Variants in MAP3K13 observed in about 807,000 individuals in gnomAD.
The protein encoded by MAP3K13 is mitogen-activated protein kinase kinase kinase 13, also known as leucine zipper-bearing kinase.
In MAP3K13, 52 loss-of-function variants were observed where a neutral mutation model predicts 104.0. The ratio of observed to expected loss-of-function variants is 0.50; its 90% CI spans 0.40 to 0.63. The LOEUF (loss-of-function observed/expected upper bound fraction) is 0.63, where lower values mean the gene tolerates loss of function less well. Ranked by LOEUF, MAP3K13 falls within the 20% of genes least tolerant of loss-of-function variation. The probability of loss-of-function intolerance (pLI) is 0.00; values close to 1 mark genes in which losing one functional copy is unlikely to be tolerated. For synonymous variants in MAP3K13, 394 were observed against 442.2 expected (o/e 0.89, Z 1.37); for missense variants, 914 against 1,218.5 (o/e 0.75, Z 3.72).
chr3:185,434,271 G>A (rs1355630178), intron 2 of MAP3K13, among the ~76,000 whole-genome samples: 3 of 152,032 alleles, frequency 2.0e-5, no homozygotes, highest in Admixed American at 2.0e-4. Flanking sequence ...TGAACAAAGG[G>A]GTTTTGACAA....
chr3:185,323,970 T>C (rs957133117), intron 2 of MAP3K13, among the ~76,000 whole-genome samples: 1 of 152,142 alleles, frequency 6.6e-6, no homozygotes, highest in African/African-American at 2.4e-5. Context: ...TTTTGATTTC[T>C]CTTATAATGA....
At chr3:185,454,885 T>TATATATATGAGATATATACATG (rs1716304735) in intron 7 of MAP3K13, among the ~76,000 whole-genome samples, 3 of 68,056 alleles carry the variant, frequency 4.4e-5, no homozygotes, top group East Asian at 4.3e-4. Context: ...ATATATATGA[T>TATATATATGAGATATATACATG]ATATATATGA....
At chr3:185,412,873 T>C (rs968725251) in intron 1 of MAP3K13, among the ~76,000 whole-genome samples, 1 of 152,204 alleles carries the variant, frequency 6.6e-6, no homozygotes, top group Non-Finnish European at 1.5e-5. Context: ...TTGGTAAAAC[T>C]TCTGTTCCTA....
At chr3:185,417,579 C>T (rs1201121974) in intron 1 of MAP3K13, 2 of 1,607,628 alleles carry the variant, frequency 1.2e-6, no homozygotes, top group East Asian at 2.2e-5. Context: ...TAGCTGCTGC[C>T]TTTTTTCCCA....
Position 185,473,871 on chromosome 3 carries a change from G to T in MAP3K13, c.2430+110G>T. ...TGTAAAAAGTATACATTTTGTAAAAGGACAAGATAACAGAAACATAAATAG... is the reference window on the plus strand; with the variant it reads ...TGTAAAAAGTATACATTTTGTAAAATGACAAGATAACAGAAACATAAATAG... On this transcript the variant is annotated intron_variant, in intron 11 of 13. Coordinates refer to ENST00000265026, the MANE Select transcript of MAP3K13 (RefSeq NM_004721.5). The surrounding 1 kb of genome is among the most constrained non-coding windows in gnomAD (Gnocchi z 4.9). The T allele has an allele frequency of 8.4e-7, 1 of 1,191,944 alleles. No homozygotes were observed. Among genetic ancestry groups the T allele is most frequent in the Non-Finnish European group, 1.2e-6 (1 of 859,988 alleles). The allele number at this position is 1,191,944 out of a possible 1,614,324, so 73.8% of individuals were successfully genotyped here.
chr3:185,418,490 G>A lies in MAP3K13; in HGVS notation c.-85-10007G>A, dbSNP rs1713928925. Reference sequence around the variant, plus strand: ...GTTGGTGCAAACCTTCGGCCTCCACGACACATGTTTCCAAAAGCACCCTGG... The same window carrying A: ...GTTGGTGCAAACCTTCGGCCTCCACAACACATGTTTCCAAAAGCACCCTGG... On this transcript the variant is annotated intron_variant, in intron 1 of 13. Coordinates refer to ENST00000265026, the MANE Select transcript of MAP3K13 (RefSeq NM_004721.5). This position sits in a 1 kb window ranked among gnomAD's most constrained non-coding sequence, Gnocchi z 4.5. 1.2e-6 allele frequency: 2 copies of A among 1,611,886 alleles called. No individual in the cohort carries two copies. Among genetic ancestry groups the A allele is most frequent in the South Asian group, 1.1e-5 (1 of 90,986 alleles).
intron 2 of MAP3K13, among the ~76,000 whole-genome samples, chr3:185,338,650 A>G (rs916951431): frequency 6.6e-6 from 1 of 152,118 alleles, no homozygotes; most frequent in African/African-American, 2.4e-5. Context: ...TAATTCTTCA[A>G]TTTTGATATT....
chr3:185,477,484 G>GA (rs1258444149), intron 12 of MAP3K13, 88 bp downstream of exon 12: 1 of 949,562 alleles, frequency 1.1e-6, no homozygotes, highest in East Asian at 2.4e-5. Context: ...AACCACAGGT[G>GA]ATTCCCTGGC....
chr3:185,293,086 C>T (rs1229471433), intron 2 of MAP3K13: 48 of 940,162 alleles, frequency 5.1e-5, no homozygotes, highest in Non-Finnish European at 5.7e-5. Flanking sequence ...GTGAGTTGCA[C>T]TTGCTGTTCT....
At chr3:185,477,054 T>A (rs1718172052) in intron 11 of MAP3K13, 2 of 579,100 alleles carry the variant, frequency 3.5e-6, no homozygotes, top group Non-Finnish European at 6.5e-6. Flanking sequence ...TCTGGACACT[T>A]TAATAGAGCC....
intron 2 of MAP3K13, chr3:185,291,886 A>G: frequency 8.4e-7 from 1 of 1,185,586 alleles, no homozygotes; most frequent in Non-Finnish European, 1.0e-6. Context: ...GACTAGAGCC[A>G]AGGAGACAGT....
chr3:185,307,178 T>C (rs930562945), intron 2 of MAP3K13, among the ~76,000 whole-genome samples: 27 of 152,328 alleles, frequency 1.8e-4, no homozygotes, highest in African/African-American at 6.0e-4. Context: ...GGATTCATCC[T>C]AGTTGGAGTC....
At chr3:185,286,518 C>G (rs1720518217) in intron 2 of MAP3K13, among the ~76,000 whole-genome samples, 1 of 151,494 alleles carries the variant, frequency 6.6e-6, no homozygotes, top group Non-Finnish European at 1.5e-5. Context: ...AATCAACCTG[C>G]TAGAAATAGC....
intron 1 of MAP3K13, among the ~76,000 whole-genome samples, chr3:185,378,216 GC>G (rs1247774097): frequency 2.0e-5 from 3 of 152,132 alleles, no homozygotes; most frequent in Non-Finnish European, 2.9e-5. Context: ...AATTTTTGGA[GC>G]TTTATTTAAT....
At chr3:185,299,114 A>G (rs1285607698) in intron 2 of MAP3K13, among the ~76,000 whole-genome samples, 1 of 152,192 alleles carries the variant, frequency 6.6e-6, no homozygotes, top group South Asian at 2.1e-4. Context: ...AATGAGAAAA[A>G]TCTTGATAAT....
At chr3:185,295,126 G>A (rs1218637702) in intron 2 of MAP3K13, among the ~76,000 whole-genome samples, 1 of 152,004 alleles carries the variant, frequency 6.6e-6, no homozygotes, top group Non-Finnish European at 1.5e-5. Context: ...TGTCTACTAA[G>A]CTCAAGCCAT....
chr3:185,477,384 C>T lies in MAP3K13; in HGVS notation c.2489C>T (p.Pro830Leu), dbSNP rs1419115622. The change falls in exon 12 of 14, where the codon CCA becomes CTA. Residue 830 changes from proline (P) to leucine (L), a missense_variant. Physicochemically the swap from Pro to Leu is moderately conservative, Grantham distance 98. Coordinates refer to ENST00000265026, the MANE Select transcript of MAP3K13 (RefSeq NM_004721.5). ...EGEVDSEVEF[P>L]RRQRPHRCIS... ...GAAGTAGATAGTGAAGTTGAATTTC[C>T]ACGAAGACAGAGGTAAAACCAACAA... 15 of 1,612,462 alleles carry T rather than the reference C, an allele frequency of 9.3e-6. No homozygotes were observed. Among genetic ancestry groups the T allele is most frequent in the Non-Finnish European group, 1.3e-5 (15 of 1,178,510 alleles).
chr3:185,471,306 C>CTTTCTTTTTTTTTT lies in MAP3K13; in HGVS notation c.1644-1666_1644-1665insCTTTTTTTTTTTTT, dbSNP rs1553811789. Among the ~76,000 whole-genome samples the CTTTCTTTTTTTTTT allele has an allele frequency of 2.4e-5, 2 of 83,420 alleles. 1 individual carries two copies. 54.7% of individuals were successfully genotyped at this position (83,420 alleles called of 152,430 possible). On this transcript the variant is annotated intron_variant, in intron 10 of 13. Coordinates refer to ENST00000265026, the MANE Select transcript of MAP3K13 (RefSeq NM_004721.5). ...AAAAAAACTGTTGCCATGACCTTTG[C>CTTTCTTTTTTTTTT]TTTTTTTTTTTTTTTTTTTTGTAGA...
intron 1 of MAP3K13, among the ~76,000 whole-genome samples, chr3:185,393,151 A>C (rs1204708768): frequency 6.7e-6 from 1 of 150,292 alleles, no homozygotes; most frequent in Non-Finnish European, 1.5e-5. Context: ...CAAATGTAAG[A>C]GATATTCAGA....
Sources: gnomAD v4.1 joint callset for allele counts (sites outside exome capture counted in the v4.1 genomes callset) on GRCh38, gnomAD v4.1.1 for gene constraint, Gnocchi (gnomAD v3.1) non-coding constraint, MANE v1.5 for transcripts, NCBI Gene and HGNC (gene_info 2026-07-23, HGNC 2026-07-21) for gene names.